Variants in KIAA0232 observed in about 807,000 individuals in gnomAD.
The protein encoded by KIAA0232 is uncharacterized protein KIAA0232.
In KIAA0232, 27 loss-of-function variants were observed where a neutral mutation model predicts 122.0. The observed-to-expected ratio is 0.22, with a 90% confidence interval of 0.16 to 0.31. KIAA0232 has a LOEUF of 0.31. KIAA0232 is among the 10% of genes least tolerant of loss of function. The pLI, the probability that KIAA0232 is intolerant of heterozygous loss-of-function variation, is 1.00. For synonymous variants in KIAA0232, 613 were observed against 587.6 expected, an observed-to-expected ratio of 1.04 and a Z score of -0.63; for missense variants, 1,551 against 1,634.2, an observed-to-expected ratio of 0.95 and a Z score of 0.88.
chr4:6,813,431 C>T (rs1457383667), intron 2 of KIAA0232, among the ~76,000 whole-genome samples: 3 of 151,414 alleles, frequency 2.0e-5, no homozygotes, highest in Admixed American at 6.6e-5. Context: ...GGCGCAGTCT[C>T]GGCTCACTGC....
chr4:6,788,990 A>G (rs894124512), intron 1 of KIAA0232, among the ~76,000 whole-genome samples: 3 of 151,314 alleles, frequency 2.0e-5, no homozygotes, highest in Non-Finnish European at 4.4e-5. Context: ...TTTTATTTTG[A>G]GACAGAATCT....
intron 7 of KIAA0232, among the ~76,000 whole-genome samples, chr4:6,867,469 G>A (rs1313850673): frequency 6.6e-6 from 1 of 152,236 alleles, no homozygotes. Context: ...CACAGATGAA[G>A]CACAGTGTGC....
chr4:6,865,646 C>G (rs866102631), intron 7 of KIAA0232, among the ~76,000 whole-genome samples: 1 of 152,206 alleles, frequency 6.6e-6, no homozygotes, highest in South Asian at 2.1e-4. Context: ...AGCCATGCCA[C>G]CTGTGGCCAG....
chr4:6,835,766 T>TA (rs1221440307), intron 3 of KIAA0232, among the ~76,000 whole-genome samples: 1 of 152,228 alleles, frequency 6.6e-6, no homozygotes, highest in African/African-American at 2.4e-5. Flanking sequence ...ATGGTTTTCA[T>TA]CTTCATCTGT....
intron 4 of KIAA0232, among the ~76,000 whole-genome samples, chr4:6,848,340 A>G (rs1490307063): frequency 6.6e-6 from 1 of 152,228 alleles, no homozygotes; most frequent in African/African-American, 2.4e-5. Flanking sequence ...TTTTGACCAT[A>G]TACAATTGGC....
At chr4:6,795,445 C>T (rs1035639967) in intron 1 of KIAA0232, among the ~76,000 whole-genome samples, 1 of 152,036 alleles carries the variant, frequency 6.6e-6, no homozygotes, top group African/African-American at 2.4e-5. Flanking sequence ...TACCAGATGC[C>T]AAAGACAGTG....
chr4:6,806,267 A>G (rs1577361419), intron 2 of KIAA0232, among the ~76,000 whole-genome samples: 2 of 152,340 alleles, frequency 1.3e-5, no homozygotes, highest in East Asian at 3.9e-4. Flanking sequence ...TAATTTGATA[A>G]CCTGTAAAAA....
intron 4 of KIAA0232, among the ~76,000 whole-genome samples, chr4:6,846,528 G>C (rs1284622310): frequency 6.6e-6 from 1 of 151,990 alleles, no homozygotes; most frequent in Non-Finnish European, 1.5e-5. Context: ...TGAGGTGGAA[G>C]TTTCATCCCG....
chr4:6,788,595 T>C (rs1716739975), intron 1 of KIAA0232, among the ~76,000 whole-genome samples: 1 of 152,272 alleles, frequency 6.6e-6, no homozygotes, highest in Admixed American at 6.5e-5. Context: ...TATAAACTCC[T>C]TGAGAGATGT....
At chr4:6,844,941 C>CGAGA (rs1474183151) in intron 4 of KIAA0232, among the ~76,000 whole-genome samples, 1 of 152,184 alleles carries the variant, frequency 6.6e-6, no homozygotes, top group Non-Finnish European at 1.5e-5. Context: ...AGCAGCCTCA[C>CGAGA]GAGAGACCTG....
At position 6,863,182 on chromosome 4, in the gene KIAA0232, T is replaced by C; in HGVS notation, c.2800T>C (p.Tyr934His). The change falls in exon 7 of 10, where the codon TAT (tyrosine) becomes CAT (histidine). Residue 934 changes from tyrosine (Y) to histidine (H), a missense_variant. Tyr to His is a moderately conservative substitution (Grantham distance 83). Transcript: ENST00000307659. The part of the protein sequence containing the change: ...KENTFILGGV[Y>H]GELKTFNSDG... ...AAACACATTCATTCTTGGAGGAGTT[T>C]ATGGAGAACTCAAAACCTTCAATAG... The C allele has an allele frequency of 6.2e-7, 1 of 1,614,016 alleles. No homozygotes were observed. The highest frequency in any genetic ancestry group is 8.5e-7 in the Non-Finnish European group (1 of 1,180,032).
intron 7 of KIAA0232, among the ~76,000 whole-genome samples, chr4:6,868,901 A>C (rs1037165578): frequency 6.6e-6 from 1 of 152,192 alleles, no homozygotes; most frequent in African/African-American, 2.4e-5. Flanking sequence ...TCCCAAATTT[A>C]TGGTAGAAAC....
chr4:6,827,902 CTCTG>C (rs769864592), intron 3 of KIAA0232, among the ~76,000 whole-genome samples: 5 of 151,682 alleles, frequency 3.3e-5, no homozygotes, highest in African/African-American at 9.7e-5. Context: ...GTCATGATTA[CTCTG>C]TCTGGGAAGT....
intron 3 of KIAA0232, among the ~76,000 whole-genome samples, chr4:6,828,222 A>C (rs537266288): frequency 8.5e-5 from 13 of 152,262 alleles, no homozygotes; most frequent in Admixed American, 7.2e-4. Flanking sequence ...CTCTTAAAAA[A>C]AATTATCTGG....
At chr4:6,819,916 A>G (rs1423915543) in intron 2 of KIAA0232, among the ~76,000 whole-genome samples, 1 of 152,232 alleles carries the variant, frequency 6.6e-6, no homozygotes, top group Non-Finnish European at 1.5e-5. Context: ...CTATGCAGCC[A>G]TTAAAAAAAG....
chr4:6,810,225 T>G (rs757488431), intron 2 of KIAA0232, among the ~76,000 whole-genome samples: 1 of 152,074 alleles, frequency 6.6e-6, no homozygotes, highest in South Asian at 2.1e-4. Context: ...GGTGTAAAAA[T>G]AGATGTATAG....
chr4:6,809,344 T>C (rs1717774108), intron 2 of KIAA0232, among the ~76,000 whole-genome samples: 1 of 152,212 alleles, frequency 6.6e-6, no homozygotes, highest in Non-Finnish European at 1.5e-5. Context: ...TTGCTTTGAC[T>C]CATAAAATGT....
chr4:6,824,325 A>C lies in KIAA0232; in HGVS notation c.-129A>C. On this transcript the variant is annotated 5_prime_UTR_variant, in exon 3 of 10. Transcript: ENST00000307659. ...TGTTTTAGGTGGCTGACTACCAGCA[A>C]AAATAAATGCTTATCCTACATGTCA... 1.3e-6 allele frequency: 1 copy of C among 798,024 alleles called. No homozygotes were observed. The highest frequency in any genetic ancestry group is 2.1e-6 in the Non-Finnish European group (1 of 469,838). The allele number at this position is 798,024 out of a possible 1,614,324, so 49.4% of individuals were successfully genotyped here. A position where few individuals can be genotyped will look rare whatever the true frequency, so the allele number is the denominator to read the frequency against.
intron 9 of KIAA0232, among the ~76,000 whole-genome samples, chr4:6,879,729 A>G (rs1721951945): frequency 6.6e-6 from 1 of 152,124 alleles, no homozygotes; most frequent in Non-Finnish European, 1.5e-5. Context: ...AGACAGTCCG[A>G]CACCACAGAG....
Sources: gnomAD v4.1 joint callset for allele counts (sites outside exome capture counted in the v4.1 genomes callset) on GRCh38, gnomAD v4.1.1 for gene constraint, MANE v1.5 for transcripts, NCBI Gene and HGNC (gene_info 2026-07-23, HGNC 2026-07-21) for gene names.